Variants in MEGF6 observed in about 807,000 individuals in gnomAD.
The protein encoded by MEGF6 is multiple epidermal growth factor-like domains protein 6.
MEGF6 carries 184 observed loss-of-function variants against 207.1 expected under a neutral mutation model. That is an observed-to-expected ratio of 0.89 (90% confidence interval 0.79 to 1.00). The LOEUF is 1.00. Ranked by LOEUF, MEGF6 falls within the 50% of genes least tolerant of loss-of-function variation. MEGF6 has a pLI of 0.00. For missense variants in MEGF6, 2,282 were observed against 2,202.9 expected (o/e 1.04, Z -0.72); for synonymous variants, 1,038 against 910.0 (o/e 1.14, Z -2.53).
intron 4 of MEGF6, among the ~76,000 whole-genome samples, chr1:3,566,829 A>G (rs1204871022): frequency 1.3e-5 from 2 of 152,164 alleles, no homozygotes; most frequent in African/African-American, 4.8e-5. Context: ...TGGCCCCCAG[A>G]GCTCACCCAG....
chr1:3,509,122 T>A lies in MEGF6; in HGVS notation c.1481A>T (p.Glu494Val). 1 of 1,601,552 alleles carries A rather than the reference T, an allele frequency of 6.2e-7. No individual in the cohort carries two copies. The highest frequency in any genetic ancestry group is 8.5e-7 in the Non-Finnish European group (1 of 1,174,880). The change falls in exon 12 of 37, where the codon GAG (glutamate) becomes GTG (valine). Residue 494 changes from glutamate (E) to valine (V), a missense_variant. Glu to Val is a moderately radical substitution (Grantham distance 121). Transcript: ENST00000356575. Reference sequence around the variant, plus strand: ...TTCGCCCCGCAACTCTGCCTCTTCCTCATCGGCCCCGACGTCGTCATCCTG... The same window carrying A: ...TTCGCCCCGCAACTCTGCCTCTTCCACATCGGCCCCGACGTCGTCATCCTG... Reference protein sequence around the residue: ...LFQDDDVGADEEEAELRGEHT... With the variant: ...LFQDDDVGADVEEAELRGEHT...
intron 33 of MEGF6, 37 bp downstream of exon 33, chr1:3,493,959 C>G: frequency 6.3e-7 from 1 of 1,583,636 alleles, no homozygotes; most frequent in Non-Finnish European, 8.6e-7. Flanking sequence ...GGGACGGGGC[C>G]AGGGAGCGGG....
chr1:3,538,312 A>C (rs1442164384), intron 4 of MEGF6, among the ~76,000 whole-genome samples: 1 of 149,918 alleles, frequency 6.7e-6, no homozygotes, highest in Non-Finnish European at 1.5e-5. Context: ...CAGAGCTTCT[A>C]TCAGGAGCAG....
chr1:3,614,191 C>T (rs1355414338), upstream of MEGF6, among the ~76,000 whole-genome samples: 1 of 152,206 alleles, frequency 6.6e-6, no homozygotes, highest in African/African-American at 2.4e-5. Flanking sequence ...ACTTCTCTGA[C>T]AGGCAGGCCC....
upstream of MEGF6, among the ~76,000 whole-genome samples, chr1:3,616,373 T>C (rs780219849): frequency 6.6e-6 from 1 of 152,234 alleles, no homozygotes; most frequent in South Asian, 2.1e-4. Context: ...GACCCTCAGA[T>C]GCAAGGTGCC....
chr1:3,580,787 CCT>C (rs1643778641), intron 3 of MEGF6, among the ~76,000 whole-genome samples: 2 of 152,102 alleles, frequency 1.3e-5, no homozygotes, highest in Non-Finnish European at 2.9e-5. Flanking sequence ...GCACCTCACC[CCT>C]GAGGGGTGCT....
intron 21 of MEGF6, 85 bp downstream of exon 21, chr1:3,500,548 A>G: frequency 6.8e-7 from 1 of 1,463,364 alleles, no homozygotes; most frequent in Non-Finnish European, 9.1e-7. Flanking sequence ...GAGTACGGTC[A>G]AAGGCTTTGT....
chr1:3,497,672 C>T lies in MEGF6; in HGVS notation c.3353-311G>A. 3 of 545,930 alleles carry T rather than the reference C, an allele frequency of 5.5e-6. No homozygotes were observed. The Admixed American group carries it at 7.8e-5, about 14-fold the overall frequency. The allele number at this position is 545,930 out of a possible 1,614,324, so 33.8% of individuals were successfully genotyped here. On this transcript the variant is annotated intron_variant, in intron 26 of 36. Transcript: ENST00000356575. ...GAGAGCTCAGCCTCTGGCAGCCCCG[C>T]CCCATGGAAGGCGAAGGAGCCGGGA...
At chr1:3,510,676 C>G in intron 10 of MEGF6, 107 bp downstream of exon 10, 1 of 1,428,030 alleles carries the variant, frequency 7.0e-7, no homozygotes, top group Non-Finnish European at 9.3e-7. Context: ...ACAGAGCAGG[C>G]CGACCCCATG....
chr1:3,612,240 C>T (rs1413879130), upstream of MEGF6, among the ~76,000 whole-genome samples: 1 of 151,484 alleles, frequency 6.6e-6, no homozygotes, highest in African/African-American at 2.4e-5. Flanking sequence ...TGGGTGGGCG[C>T]GGGGTCCCAG....
At chr1:3,506,020 C>T in intron 15 of MEGF6, 88 bp downstream of exon 15, 1 of 1,479,818 alleles carries the variant, frequency 6.8e-7, no homozygotes, top group South Asian at 1.4e-5. Context: ...TAGCCTCATC[C>T]TAACCCAGAC....
At chr1:3,493,352 AG>A (rs1417521270) in intron 34 of MEGF6, 2 of 233,370 alleles carry the variant, frequency 8.6e-6, no homozygotes, top group Non-Finnish European at 8.4e-6. Context: ...TCCTCAGGTG[AG>A]CCCCTCCTAT....
Position 3,542,086 on chromosome 1 carries a change from C to G in MEGF6, c.482-17840G>C, listed in dbSNP as rs75290033. Among the ~76,000 whole-genome samples, 58 of 152,320 alleles carry G rather than the reference C, an allele frequency of 3.8e-4. No homozygotes were observed. The South Asian group carries it at 0.011, about 30-fold the overall frequency. On this transcript the variant is annotated intron_variant, in intron 4 of 36. Transcript: ENST00000356575. ...CCAGACCCGGCCTGGCCGCCTCCCC[C>G]AACCCCCGGCTGCCCCGTTTCCCGT...
rs547448081 is a variant in MEGF6, at chr1:3,543,248, C to G, written c.482-19002G>C. Among the ~76,000 whole-genome samples the G allele has an allele frequency of 1.3e-3, 195 of 152,306 alleles. 3 individuals are homozygous for G. The highest frequency in any genetic ancestry group is 5.0e-3 in the South Asian group (24 of 4,824). ...GATGGGGCCGAGTCATCACTGCAAG[C>G]AGGTTCCGGGCCCACCCCATCAACT... On this transcript the variant is annotated intron_variant, in intron 4 of 36. Transcript: ENST00000356575.
At chr1:3,580,096 G>A (rs1643756739) in intron 3 of MEGF6, among the ~76,000 whole-genome samples, 167 bp from the exon 4 acceptor site, 2 of 152,156 alleles carry the variant, frequency 1.3e-5, no homozygotes, top group Admixed American at 1.3e-4. Context: ...GGAGGCTGGC[G>A]TGTCCCCAAA....
At position 3,490,359 on chromosome 1, in the gene MEGF6, A is replaced by T. The variant is rs1315350575; in HGVS notation, c.*169T>A. ...AGGCTTCCCTCCTCAAGGCCACACC[A>T]GCCTCCAAGAGCGACAGGTTGCTGG... On this transcript the variant is annotated 3_prime_UTR_variant, in exon 37 of 37. Coordinates refer to ENST00000356575, the MANE Select transcript of MEGF6 (RefSeq NM_001409.4). The T allele has an allele frequency of 2.8e-6, 2 of 714,860 alleles. No homozygotes were observed. Among genetic ancestry groups the T allele is most frequent in the African/African-American group, 3.7e-5 (2 of 54,182 alleles). The allele number at this position is 714,860 out of a possible 1,614,324, so 44.3% of individuals were successfully genotyped here.
intron 2 of MEGF6, among the ~76,000 whole-genome samples, chr1:3,595,779 T>A (rs1469491794): frequency 6.6e-6 from 1 of 151,984 alleles, no homozygotes; most frequent in East Asian, 1.9e-4. Context: ...GGGACGCACA[T>A]CTCACCGCTC....
Position 3,514,692 on chromosome 1 carries a change from G to A in MEGF6, c.731-20C>T. The A allele has an allele frequency of 6.4e-7, 1 of 1,558,804 alleles. No individual in the cohort carries two copies. The highest frequency in any genetic ancestry group is 1.2e-5 in the South Asian group (1 of 86,204). On this transcript the variant is annotated intron_variant, in intron 6 of 36. Coordinates refer to ENST00000356575, the MANE Select transcript of MEGF6 (RefSeq NM_001409.4). ...TTCTACCTGCAGCCACGGGCCCGAG[G>A]AGGGGGTTGGGGAGAGGGGACCCCA...
chr1:3,500,142 T>C (rs1640794451), intron 21 of MEGF6, among the ~76,000 whole-genome samples: 1 of 152,178 alleles, frequency 6.6e-6, no homozygotes, highest in Admixed American at 6.5e-5. Context: ...GCTTTAGGGA[T>C]GGGAACCTCC....
Sources: gnomAD v4.1 joint callset for allele counts (sites outside exome capture counted in the v4.1 genomes callset) on GRCh38, gnomAD v4.1.1 for gene constraint, MANE v1.5 for transcripts, NCBI Gene and HGNC (gene_info 2026-07-23, HGNC 2026-07-21) for gene names.